DHRS7B: variants seen among roughly 807,000 people sequenced by gnomAD.
The protein encoded by DHRS7B is dehydrogenase/reductase 7B, also known as peroxisomal reductase activating PPAR-gamma.
A neutral mutation model predicts 26.4 loss-of-function variants in DHRS7B; 24 were observed. The observed-to-expected ratio is 0.91, with a 90% CI of 0.66 to 1.28. DHRS7B has a LOEUF of 1.28. Among genes scored for constraint, DHRS7B ranks in the 50% most tolerant of loss-of-function variants. The probability of loss-of-function intolerance (pLI) is 0.00; values close to 1 mark genes in which losing one functional copy is unlikely to be tolerated. For missense variants in DHRS7B, 368 were observed against 419.4 expected (o/e 0.88, Z 1.07); for synonymous variants, 142 against 166.4 (o/e 0.85, Z 1.13).
chr17:21,138,896 G>A (rs1247056145), intron 1 of DHRS7B, among the ~76,000 whole-genome samples: 3 of 151,672 alleles, frequency 2.0e-5, no homozygotes, highest in Admixed American at 6.6e-5. Context: ...TTATCTACAG[G>A]TATTTATCCC....
rs191466256 is a variant in DHRS7B, at chr17:21,144,611, A to C, written c.20+17620A>C. Among the ~76,000 whole-genome samples, 1,325 of 152,232 alleles carry C rather than the reference A, an allele frequency of 8.7e-3. 9 individuals are homozygous for C. Among genetic ancestry groups the C allele is most frequent in the Middle Eastern group, 0.02 (6 of 294 alleles). ...GGTGGGTGGATCACCTAAGGTCAGG[A>C]GTTCAAGACCAGCCTGGCCAACATG... On this transcript the variant is annotated intron_variant, in intron 1 of 6. Transcript: ENST00000395511.
At chr17:21,151,444 C>T (rs556494074) in intron 1 of DHRS7B, among the ~76,000 whole-genome samples, 7 of 144,898 alleles carry the variant, frequency 4.8e-5, no homozygotes, top group East Asian at 2.0e-4. Flanking sequence ...ACCTGGGAGG[C>T]GGAGTTGGCA....
intron 5 of DHRS7B, among the ~76,000 whole-genome samples, chr17:21,188,374 A>G (rs949433678): frequency 6.6e-6 from 1 of 152,212 alleles, no homozygotes; most frequent in Non-Finnish European, 1.5e-5. Context: ...AACTGGAGAC[A>G]TGATGCTCAT....
At chr17:21,131,117 G>T (rs1003162841) in intron 1 of DHRS7B, among the ~76,000 whole-genome samples, 7 of 152,176 alleles carry the variant, frequency 4.6e-5, no homozygotes, top group East Asian at 3.8e-4. Flanking sequence ...CTCAAGAGAG[G>T]GTTCTTGGAT....
chr17:21,181,266 TG>T (rs1420216436), intron 3 of DHRS7B, among the ~76,000 whole-genome samples: 1 of 152,100 alleles, frequency 6.6e-6, no homozygotes, highest in Non-Finnish European at 1.5e-5. Flanking sequence ...TTTCATTTTT[TG>T]TAGGGACAGG....
At chr17:21,187,112 T>TATATATATAA (rs1283365408) in intron 5 of DHRS7B, among the ~76,000 whole-genome samples, 4 of 146,702 alleles carry the variant, frequency 2.7e-5, no homozygotes, top group African/African-American at 5.1e-5. Context: ...TATATATATA[T>TATATATATAA]AAAATATATA....
At chr17:21,159,324 T>G (rs1179308168) in intron 1 of DHRS7B, among the ~76,000 whole-genome samples, 2 of 151,788 alleles carry the variant, frequency 1.3e-5, no homozygotes, top group Non-Finnish European at 2.9e-5. Context: ...CTTGGCTCAT[T>G]GCAACCTCCG....
At chr17:21,159,867 A>AG (rs1262943869) in intron 1 of DHRS7B, among the ~76,000 whole-genome samples, 4 of 150,250 alleles carry the variant, frequency 2.7e-5, no homozygotes, top group African/African-American at 7.3e-5. Flanking sequence ...TGTCTCAAAA[A>AG]AAAAAAAAAA....
intron 1 of DHRS7B, among the ~76,000 whole-genome samples, chr17:21,131,968 A>G (rs1000362300): frequency 6.6e-6 from 1 of 152,220 alleles, no homozygotes; most frequent in African/African-American, 2.4e-5. Flanking sequence ...AAGAAACTGT[A>G]CTGAGTTCCT....
At chr17:21,149,203 T>C (rs1973707044) in intron 1 of DHRS7B, among the ~76,000 whole-genome samples, 1 of 152,046 alleles carries the variant, frequency 6.6e-6, no homozygotes, top group African/African-American at 2.4e-5. Flanking sequence ...GGAACGATAT[T>C]TTCAAAGTGC....
chr17:21,132,421 C>T (rs1269768168), intron 1 of DHRS7B, among the ~76,000 whole-genome samples: 1 of 149,520 alleles, frequency 6.7e-6, no homozygotes, highest in Admixed American at 6.7e-5. Flanking sequence ...GTCCTAGCTA[C>T]TCAGGAGACT....
At chr17:21,156,980 C>G (rs1666767978) in intron 1 of DHRS7B, among the ~76,000 whole-genome samples, 1 of 151,226 alleles carries the variant, frequency 6.6e-6, no homozygotes, top group Admixed American at 6.6e-5. Flanking sequence ...TGAAATAGAC[C>G]AATTCCATGA....
intron 1 of DHRS7B, among the ~76,000 whole-genome samples, chr17:21,145,973 A>G (rs779603930): frequency 6.6e-6 from 1 of 152,228 alleles, no homozygotes; most frequent in Admixed American, 6.5e-5. Flanking sequence ...GTTGGGCACA[A>G]GGAAGAATAA....
At chr17:21,169,575 C>T (rs961925292) in intron 1 of DHRS7B, among the ~76,000 whole-genome samples, 1 of 152,172 alleles carries the variant, frequency 6.6e-6, no homozygotes, top group African/African-American at 2.4e-5. Context: ...CTTGAGGGTT[C>T]ATCCTCATGA....
chr17:21,164,659 A>G (rs1567624094), intron 1 of DHRS7B, among the ~76,000 whole-genome samples: 1 of 152,258 alleles, frequency 6.6e-6, no homozygotes, highest in East Asian at 1.9e-4. Context: ...TTTCACACTG[A>G]TTGTTTCTTT....
chr17:21,186,095 C>G (rs1974628313), intron 5 of DHRS7B, among the ~76,000 whole-genome samples: 1 of 152,226 alleles, frequency 6.6e-6, no homozygotes. Flanking sequence ...AATGGTTGGT[C>G]TCCGTATTCA....
intron 6 of DHRS7B, 59 bp downstream of exon 6, chr17:21,188,922 T>C: frequency 6.3e-7 from 1 of 1,593,238 alleles, no homozygotes; most frequent in Non-Finnish European, 8.6e-7. Context: ...CAGTGAGACA[T>C]GCTGCTCTTA....
At chr17:21,164,297 C>T (rs1432624838) in intron 1 of DHRS7B, among the ~76,000 whole-genome samples, 1 of 151,884 alleles carries the variant, frequency 6.6e-6, no homozygotes, top group Non-Finnish European at 1.5e-5. Context: ...TCCTGAGTAG[C>T]TGGGGATTAC....
chr17:21,174,924 C>T (rs780374222), intron 2 of DHRS7B, among the ~76,000 whole-genome samples: 3 of 152,192 alleles, frequency 2.0e-5, no homozygotes, highest in East Asian at 1.9e-4. Context: ...TGCTGAGAAG[C>T]GCACCAGGGA....
Sources: allele counts gnomAD v4.1 joint callset (sites outside exome capture counted in the v4.1 genomes callset), GRCh38; gene constraint gnomAD v4.1.1; transcripts MANE v1.5; gene names NCBI Gene and HGNC (gene_info 2026-07-23, HGNC 2026-07-21).